Variants in KCTD8 observed in about 807,000 individuals in gnomAD.
KCTD8 encodes potassium channel tetramerization domain containing 8, also known as BTB/POZ domain-containing protein KCTD8.
A neutral mutation model predicts 31.5 loss-of-function variants in KCTD8; 27 were observed. That is an observed-to-expected ratio of 0.86 (90% CI 0.63 to 1.18). KCTD8 has a LOEUF of 1.18. Among genes scored for constraint, KCTD8 ranks in the 50% most tolerant of loss-of-function variants. KCTD8 has a pLI of 0.00. For synonymous variants in KCTD8, 290 were observed against 280.0 expected, an observed-to-expected ratio of 1.04 and a Z score of -0.36; for missense variants, 658 against 647.7, an observed-to-expected ratio of 1.02 and a Z score of -0.17.
chr4:44,226,495 A>G (rs1289409109), intron 1 of KCTD8, among the ~76,000 whole-genome samples: 1 of 152,178 alleles, frequency 6.6e-6, no homozygotes, highest in Non-Finnish European at 1.5e-5. Flanking sequence ...GTGTTGCAAT[A>G]AACATATGTG....
intron 1 of KCTD8, among the ~76,000 whole-genome samples, chr4:44,402,615 G>C (rs975760390): frequency 6.6e-5 from 10 of 151,932 alleles, no homozygotes; most frequent in African/African-American, 1.2e-4. Context: ...CCTAGGTCCT[G>C]GGGGGGCCCT....
chr4:44,265,534 C>G (rs2109368111), intron 1 of KCTD8, among the ~76,000 whole-genome samples: 1 of 152,318 alleles, frequency 6.6e-6, no homozygotes, highest in East Asian at 1.9e-4. Flanking sequence ...TGGAACAAAG[C>G]TGGATGGAGA....
chr4:44,294,188 C>T (rs759225625), intron 1 of KCTD8, among the ~76,000 whole-genome samples: 44 of 152,164 alleles, frequency 2.9e-4, no homozygotes, highest in Admixed American at 1.4e-3. Flanking sequence ...TAAACAATCA[C>T]ATTACTACTG....
chr4:44,435,846 A>G (rs1721631546), intron 1 of KCTD8, among the ~76,000 whole-genome samples: 1 of 152,098 alleles, frequency 6.6e-6, no homozygotes, highest in Non-Finnish European at 1.5e-5. Context: ...GGGCTTCTAT[A>G]GGTGATCGGT....
intron 1 of KCTD8, among the ~76,000 whole-genome samples, chr4:44,225,648 C>A (rs79033921): frequency 1.3e-5 from 2 of 151,712 alleles, no homozygotes; most frequent in African/African-American, 2.4e-5. Context: ...AAAAAAATAA[C>A]CCTTGTGTTG....
At chr4:44,186,200 C>G (rs1366219768) in intron 1 of KCTD8, among the ~76,000 whole-genome samples, 3 of 152,182 alleles carry the variant, frequency 2.0e-5, no homozygotes, top group Non-Finnish European at 4.4e-5. Flanking sequence ...AGCACACCGA[C>G]AGGCACTGGC....
At chr4:44,253,765 G>A (rs1715910828) in intron 1 of KCTD8, among the ~76,000 whole-genome samples, 4 of 151,782 alleles carry the variant, frequency 2.6e-5, no homozygotes, top group African/African-American at 9.7e-5. Flanking sequence ...TAACTATTTG[G>A]TCAAACTGGA....
intron 1 of KCTD8, among the ~76,000 whole-genome samples, chr4:44,259,218 T>A (rs1325722370): frequency 5.3e-5 from 8 of 151,828 alleles, no homozygotes; most frequent in African/African-American, 1.5e-4. Flanking sequence ...TTGTGGTTTT[T>A]TTTTCAGAGT....
chr4:44,190,815 T>G (rs1713743387), intron 1 of KCTD8, among the ~76,000 whole-genome samples: 1 of 152,236 alleles, frequency 6.6e-6, no homozygotes, highest in African/African-American at 2.4e-5. Flanking sequence ...CAGTGATTCC[T>G]ATGATCAACT....
At chr4:44,271,151 C>T (rs1351155671) in intron 1 of KCTD8, among the ~76,000 whole-genome samples, 2 of 152,188 alleles carry the variant, frequency 1.3e-5, no homozygotes, top group African/African-American at 4.8e-5. Flanking sequence ...GTCATGTTTA[C>T]ACTTACATTA....
At chr4:44,369,533 T>A (rs1288590183) in intron 1 of KCTD8, among the ~76,000 whole-genome samples, 7 of 152,182 alleles carry the variant, frequency 4.6e-5, no homozygotes, top group Admixed American at 4.6e-4. Context: ...TGGTGGGGCA[T>A]GGTGGCTCAC....
chr4:44,221,016 G>A (rs773022753), intron 1 of KCTD8, among the ~76,000 whole-genome samples: 8 of 152,102 alleles, frequency 5.3e-5, no homozygotes, highest in Non-Finnish European at 1.0e-4. Flanking sequence ...CTCATTGTAT[G>A]TCGTCATCAC....
intron 1 of KCTD8, among the ~76,000 whole-genome samples, chr4:44,428,408 T>A (rs1721398009): frequency 6.6e-6 from 1 of 151,734 alleles, no homozygotes; most frequent in South Asian, 2.1e-4. Flanking sequence ...GTCAGGAGCC[T>A]AATTTTGCCT....
At chr4:44,287,462 T>G (rs1005156199) in intron 1 of KCTD8, among the ~76,000 whole-genome samples, 1 of 152,176 alleles carries the variant, frequency 6.6e-6, no homozygotes, top group South Asian at 2.1e-4. Flanking sequence ...ATGTTAAACA[T>G]TTCACAAATA....
intron 1 of KCTD8, among the ~76,000 whole-genome samples, chr4:44,343,745 T>A (rs539475607): frequency 6.6e-6 from 1 of 152,326 alleles, no homozygotes; most frequent in African/African-American, 2.4e-5. Context: ...CAAAAATATG[T>A]TAATAATCAC....
At chr4:44,334,434 T>A (rs1181477655) in intron 1 of KCTD8, among the ~76,000 whole-genome samples, 1 of 152,072 alleles carries the variant, frequency 6.6e-6, no homozygotes, top group African/African-American at 2.4e-5. Flanking sequence ...TGTGTTTATG[T>A]CTATTTCATC....
intron 1 of KCTD8, among the ~76,000 whole-genome samples, chr4:44,218,007 A>G (rs894931605): frequency 6.6e-6 from 1 of 151,942 alleles, no homozygotes; most frequent in African/African-American, 2.4e-5. Context: ...CTTTTCACAT[A>G]CATGTATATC....
chr4:44,324,895 A>C (rs1423711039), intron 1 of KCTD8, among the ~76,000 whole-genome samples: 1 of 151,996 alleles, frequency 6.6e-6, no homozygotes, highest in African/African-American at 2.4e-5. Flanking sequence ...GACTGGCCTT[A>C]TGTTACTAAT....
intron 1 of KCTD8, among the ~76,000 whole-genome samples, chr4:44,200,141 T>C (rs1714094202): frequency 6.6e-6 from 1 of 151,358 alleles, no homozygotes; most frequent in Non-Finnish European, 1.5e-5. Context: ...GATAACAAGT[T>C]CTGAAATTGA....
Sources: allele counts gnomAD v4.1 joint callset (sites outside exome capture counted in the v4.1 genomes callset), GRCh38; gene constraint gnomAD v4.1.1; transcripts MANE v1.5; gene names NCBI Gene and HGNC (gene_info 2026-07-23, HGNC 2026-07-21).